Variants in IL1RAPL2 observed in about 807,000 individuals in gnomAD.
The protein encoded by IL1RAPL2 is interleukin 1 receptor accessory protein like 2.
In IL1RAPL2, 3 loss-of-function variants were observed where a neutral mutation model predicts 44.1. That is an observed-to-expected ratio of 0.07 (90% confidence interval 0.03 to 0.18). IL1RAPL2 has a LOEUF of 0.18. Ranked by LOEUF, IL1RAPL2 falls within the 10% of genes least tolerant of loss-of-function variation. The pLI is 1.00. For synonymous variants in IL1RAPL2, 181 were observed against 178.8 expected, an observed-to-expected ratio of 1.01 and a Z score of -0.10; for missense variants, 391 against 496.4, an observed-to-expected ratio of 0.79 and a Z score of 2.02.
At chrX:104,637,179 A>T (rs1254400119) in intron 1 of IL1RAPL2, among the ~76,000 whole-genome samples, 1 of 108,620 alleles carries the variant, frequency 9.2e-6, no homozygotes, top group African/African-American at 3.4e-5. Flanking sequence ...CTGATTTTGT[A>T]TTCTGCAACT....
chrX:105,448,301 G>T (rs1308369601), intron 5 of IL1RAPL2, among the ~76,000 whole-genome samples: 1 of 109,016 alleles, frequency 9.2e-6, no homozygotes, highest in Non-Finnish European at 1.9e-5. Flanking sequence ...GAGGTTCTCT[G>T]ATATTATCCC....
At chrX:105,099,058 A>T (rs1317973193) in intron 2 of IL1RAPL2, among the ~76,000 whole-genome samples, 1 of 112,426 alleles carries the variant, frequency 8.9e-6, no homozygotes, top group Non-Finnish European at 1.9e-5. Flanking sequence ...CAAATACTCT[A>T]TGTCAAGCAT....
chrX:104,869,329 CCTTA>C (rs1179531177), intron 2 of IL1RAPL2, among the ~76,000 whole-genome samples: 2 of 111,139 alleles, frequency 1.8e-5, no homozygotes, highest in South Asian at 3.7e-4. Context: ...ATATCCATCA[CCTTA>C]CTTATCATTT....
At chrX:105,174,466 G>A (rs1255328329) in intron 2 of IL1RAPL2, among the ~76,000 whole-genome samples, 1 of 111,548 alleles carries the variant, frequency 9.0e-6, no homozygotes, top group Non-Finnish European at 1.9e-5. Context: ...CAGGGAGGGT[G>A]GATGAAGATT....
At chrX:104,950,948 C>T (rs1447932738) in intron 2 of IL1RAPL2, among the ~76,000 whole-genome samples, 2 of 111,431 alleles carry the variant, frequency 1.8e-5, no homozygotes, top group Non-Finnish European at 3.8e-5. Flanking sequence ...TTTCCAGGTG[C>T]CGTCTGTCAC....
At chrX:105,037,579 A>T (rs768688510) in intron 2 of IL1RAPL2, among the ~76,000 whole-genome samples, 6 of 111,090 alleles carry the variant, frequency 5.4e-5, no homozygotes, top group Admixed American at 3.9e-4. Context: ...TCTAATAGGT[A>T]TTTATCCCTG....
intron 2 of IL1RAPL2, among the ~76,000 whole-genome samples, chrX:104,746,849 C>G (rs1238378768): frequency 9.0e-6 from 1 of 111,210 alleles, no homozygotes; most frequent in Non-Finnish European, 1.9e-5. Context: ...AGAAATAATT[C>G]ATTCAATTGG....
chrX:105,027,576 G>A (rs1397984456), intron 2 of IL1RAPL2, among the ~76,000 whole-genome samples: 1 of 111,597 alleles, frequency 9.0e-6, no homozygotes, highest in Non-Finnish European at 1.9e-5. Flanking sequence ...ATATGAAAAG[G>A]TGCTCAACAT....
chrX:105,081,530 C>G (rs150718271), intron 2 of IL1RAPL2, among the ~76,000 whole-genome samples: 4,362 of 111,392 alleles, frequency 0.039, 229 homozygotes, highest in African/African-American at 0.14. Context: ...TTGAATAATT[C>G]AAGAATTCTT....
intron 1 of IL1RAPL2, among the ~76,000 whole-genome samples, chrX:104,654,534 T>A (rs1930215767): frequency 9.0e-6 from 1 of 111,081 alleles, no homozygotes; most frequent in East Asian, 2.9e-4. Flanking sequence ...CTTTGTGAAA[T>A]AAGATCAAAG....
intron 2 of IL1RAPL2, among the ~76,000 whole-genome samples, chrX:104,687,582 C>T (rs1024883923): frequency 9.0e-6 from 1 of 111,315 alleles, no homozygotes; most frequent in Non-Finnish European, 1.9e-5. Context: ...CTATATCATT[C>T]CCCAAGGGCC....
At chrX:105,593,705 C>A (rs771528465) in intron 6 of IL1RAPL2, among the ~76,000 whole-genome samples, 1 of 110,962 alleles carries the variant, frequency 9.0e-6, no homozygotes, top group Non-Finnish European at 1.9e-5. Context: ...ACTCATCACT[C>A]CTGGGCTATG....
chrX:105,539,422 G>A (rs774788766), intron 6 of IL1RAPL2, among the ~76,000 whole-genome samples: 2 of 111,639 alleles, frequency 1.8e-5, no homozygotes, highest in South Asian at 7.5e-4. Flanking sequence ...AAGCAATGGG[G>A]AAAGGACCTC....
intron 7 of IL1RAPL2, among the ~76,000 whole-genome samples, chrX:105,726,993 G>A (rs887512404): frequency 3.6e-5 from 4 of 110,227 alleles, no homozygotes; most frequent in East Asian, 5.8e-4. Context: ...GGGGAGGGGG[G>A]AGCAAATAAC....
intron 2 of IL1RAPL2, among the ~76,000 whole-genome samples, chrX:105,173,161 C>T (rs146309127): frequency 5.4e-5 from 6 of 111,024 alleles, no homozygotes; most frequent in Non-Finnish European, 7.5e-5. Context: ...GCTGTCCTCC[C>T]CACCTGGCCA....
chrX:105,746,926 G>A (rs1305915270), intron 8 of IL1RAPL2, among the ~76,000 whole-genome samples: 1 of 111,653 alleles, frequency 9.0e-6, no homozygotes, highest in Non-Finnish European at 1.9e-5. Context: ...GTCAATTAAT[G>A]CCCCAAGATG....
At chrX:105,526,688 A>C (rs1369077589) in intron 6 of IL1RAPL2, among the ~76,000 whole-genome samples, 3 of 111,257 alleles carry the variant, frequency 2.7e-5, no homozygotes, top group Non-Finnish European at 3.8e-5. Context: ...TTTGGCAGTT[A>C]CTCTTTGCCA....
intron 2 of IL1RAPL2, among the ~76,000 whole-genome samples, chrX:104,742,084 CG>C (rs1932109438): frequency 9.0e-6 from 1 of 110,931 alleles, no homozygotes; most frequent in African/African-American, 3.3e-5. Flanking sequence ...ATTTAGTGAC[CG>C]TTTTGTCATT....
intron 2 of IL1RAPL2, among the ~76,000 whole-genome samples, chrX:104,874,488 G>T (rs952393951): frequency 2.7e-5 from 3 of 110,290 alleles, no homozygotes; most frequent in African/African-American, 6.6e-5. Context: ...CTACTTCTTG[G>T]ACTGATTATT....
Sources: gnomAD v4.1 joint callset for allele counts (sites outside exome capture counted in the v4.1 genomes callset) on GRCh38, gnomAD v4.1.1 for gene constraint, MANE v1.5 for transcripts, NCBI Gene and HGNC (gene_info 2026-07-23, HGNC 2026-07-21) for gene names.